Variants in TEX9 observed in about 807,000 individuals in gnomAD.
TEX9 encodes testis expressed 9.
Under a neutral mutation model 59.6 loss-of-function variants are expected in TEX9, and 74 were observed. That is an observed-to-expected ratio of 1.24 (90% CI 1.03 to 1.51). The LOEUF (loss-of-function observed/expected upper bound fraction) is 1.51. TEX9 is among the 40% of genes most tolerant of loss of function. TEX9 has a pLI of 0.00. For missense variants in TEX9, 522 were observed against 447.8 expected, an observed-to-expected ratio of 1.17 and a Z score of -1.49; for synonymous variants, 186 against 152.2, an observed-to-expected ratio of 1.22 and a Z score of -1.64.
At chr15:56,394,582 G>A in intron 8 of TEX9, 79 bp from the exon 9 acceptor site, 1 of 1,057,292 alleles carries the variant, frequency 9.5e-7, no homozygotes, top group Non-Finnish European at 1.4e-6. Context: ...AAGAACATAT[G>A]AAACGTCTTT....
chr15:56,443,154 C>T (rs1431932525), intron 12 of TEX9, among the ~76,000 whole-genome samples: 4 of 152,158 alleles, frequency 2.6e-5, no homozygotes, highest in African/African-American at 9.7e-5. Context: ...ACGTATCTTT[C>T]ACCATCCTTT....
intron 3 of TEX9, among the ~76,000 whole-genome samples, chr15:56,380,574 C>G (rs749917122): frequency 6.6e-6 from 1 of 152,118 alleles, no homozygotes; most frequent in Non-Finnish European, 1.5e-5. Context: ...AAAGAACTGT[C>G]TTTAGCATTT....
At chr15:56,415,758 T>G (rs2049649236) in intron 10 of TEX9, among the ~76,000 whole-genome samples, 1 of 151,902 alleles carries the variant, frequency 6.6e-6, no homozygotes, top group Non-Finnish European at 1.5e-5. Flanking sequence ...TTAAATAGTT[T>G]TTTCTAATTC....
chr15:56,315,786 A>C (rs1262301250), intron 1 of TEX9, among the ~76,000 whole-genome samples: 1 of 147,220 alleles, frequency 6.8e-6, no homozygotes, highest in East Asian at 2.0e-4. Context: ...TTTCAGGTAC[A>C]CCAATCAGAT....
chr15:56,345,443 G>A (rs1463823476), intron 1 of TEX9, among the ~76,000 whole-genome samples: 1 of 152,162 alleles, frequency 6.6e-6, no homozygotes, highest in African/African-American at 2.4e-5. Context: ...AGGTTCAGGT[G>A]AAAGTGTTTT....
At chr15:56,427,471 G>T (rs1430223584) in intron 10 of TEX9, 134 bp from the exon 11 acceptor site, 1 of 523,904 alleles carries the variant, frequency 1.9e-6, no homozygotes, top group Admixed American at 4.7e-5. Context: ...GTAATGGAAA[G>T]CAATTTTTAT....
rs750991112 is a variant in TEX9 at position 56,266,327 on chromosome 15, C to CT, written c.-107+22062dup. On this transcript the variant is annotated intron_variant, in intron 1 of 5. Coordinates refer to the TEX9 transcript ENST00000560827. ...TTTTAGTAGAGATGGGGTTTCTTTTCTTTTTTTTTTTTTAGTACTTTAAGT... is the reference window on the plus strand; with the variant it reads ...TTTTAGTAGAGATGGGGTTTCTTTTCTTTTTTTTTTTTTTAGTACTTTAAGT... Among the ~76,000 whole-genome samples the CT allele has an allele frequency of 4.8e-3, 665 of 138,716 alleles. 5 individuals are homozygous for CT. Among genetic ancestry groups the CT allele is most frequent in the African/African-American group, 0.012 (446 of 38,034 alleles). The allele number at this position is 138,716 out of a possible 152,430, so 91.0% of individuals were successfully genotyped here. A position where few individuals can be genotyped will look rare whatever the true frequency, so the allele number is the denominator to read the frequency against.
intron 1 of TEX9, among the ~76,000 whole-genome samples, chr15:56,253,423 C>T (rs947661435): frequency 8.5e-5 from 13 of 152,054 alleles, no homozygotes; most frequent in South Asian, 2.1e-4. Context: ...GGAGAAAGAA[C>T]GGAAGGTCTT....
At chr15:56,354,937 A>G (rs969726048) in intron 1 of TEX9, among the ~76,000 whole-genome samples, 9 of 152,208 alleles carry the variant, frequency 5.9e-5, no homozygotes, top group Non-Finnish European at 1.2e-4. Flanking sequence ...GGAATAATTT[A>G]GCCAATTTAT....
intron 1 of TEX9, among the ~76,000 whole-genome samples, chr15:56,291,562 G>A (rs2045093374): frequency 6.6e-6 from 1 of 152,024 alleles, no homozygotes; most frequent in Non-Finnish European, 1.5e-5. Context: ...TTTCTTTGTG[G>A]TGAGAATACT....
Position 56,384,941 on chromosome 15 carries a change from A to G in TEX9, c.263+910A>G, listed in dbSNP as rs2047894853. On this transcript the variant is annotated intron_variant, in intron 4 of 12. Coordinates refer to ENST00000352903, the Ensembl canonical transcript of TEX9. Reference sequence around the variant, plus strand: ...ATACCTGATTATCTAATTCAGAGTCACAAAGATTTACGACCATGATTTCTT... The same window carrying G: ...ATACCTGATTATCTAATTCAGAGTCGCAAAGATTTACGACCATGATTTCTT... Among the ~76,000 whole-genome samples the G allele has an allele frequency of 3.9e-5, 6 of 152,060 alleles. No homozygotes were observed. The South Asian group carries it at 1.2e-3, about 32-fold the overall frequency.
chr15:56,420,635 G>A (rs1025945662), intron 10 of TEX9, among the ~76,000 whole-genome samples: 7 of 151,838 alleles, frequency 4.6e-5, no homozygotes, highest in African/African-American at 1.7e-4. Flanking sequence ...AAATGGAAGT[G>A]GAGACTGTTG....
At chr15:56,292,272 G>T (rs1417042537) in intron 1 of TEX9, among the ~76,000 whole-genome samples, 2 of 152,160 alleles carry the variant, frequency 1.3e-5, no homozygotes, top group Non-Finnish European at 2.9e-5. Context: ...TAAACTTAAA[G>T]CTATAGCTGC....
At chr15:56,281,912 C>A (rs1046890696) in intron 1 of TEX9, among the ~76,000 whole-genome samples, 1 of 152,160 alleles carries the variant, frequency 6.6e-6, no homozygotes, top group Non-Finnish European at 1.5e-5. Flanking sequence ...ATCAAATTCA[C>A]AAGATACTGT....
At chr15:56,295,844 C>T (rs1236527111) in intron 1 of TEX9, among the ~76,000 whole-genome samples, 1 of 152,174 alleles carries the variant, frequency 6.6e-6, no homozygotes, top group East Asian at 1.9e-4. Flanking sequence ...AGCACTGGAA[C>T]CAAATCCATG....
At chr15:56,302,884 G>T (rs2045395124) in intron 1 of TEX9, among the ~76,000 whole-genome samples, 1 of 152,128 alleles carries the variant, frequency 6.6e-6, no homozygotes, top group Non-Finnish European at 1.5e-5. Flanking sequence ...TCATGTAAAT[G>T]GAAACCAAGA....
At chr15:56,311,407 T>A (rs1322355190) in intron 1 of TEX9, among the ~76,000 whole-genome samples, 1 of 139,886 alleles carries the variant, frequency 7.1e-6, no homozygotes, top group African/African-American at 2.6e-5. Flanking sequence ...GGTTTTTTGT[T>A]CTTGCGATAG....
chr15:56,263,388 C>T (rs1392049257), intron 1 of TEX9, among the ~76,000 whole-genome samples: 4 of 152,162 alleles, frequency 2.6e-5, no homozygotes, highest in African/African-American at 4.8e-5. Flanking sequence ...TTAGTCCGTT[C>T]ATACTTCATG....
chr15:56,262,556 TGAAAA>T (rs1369385361), intron 1 of TEX9, among the ~76,000 whole-genome samples: 1 of 152,230 alleles, frequency 6.6e-6, no homozygotes, highest in Non-Finnish European at 1.5e-5. Flanking sequence ...TATATGTGCT[TGAAAA>T]GAACTGTATT....
Sources: gnomAD v4.1 joint callset for allele counts (sites outside exome capture counted in the v4.1 genomes callset) on GRCh38, gnomAD v4.1.1 for gene constraint, MANE v1.5 for transcripts, NCBI Gene and HGNC (gene_info 2026-07-23, HGNC 2026-07-21) for gene names.